The following ZNF780B variants were observed in gnomAD, a reference collection of about 807,000 sequenced individuals.
ZNF780B encodes the protein zinc finger protein 780B, also known as zinc finger protein 779.
A neutral mutation model predicts 74.1 loss-of-function variants in ZNF780B; 52 were observed. That is an observed-to-expected ratio of 0.70 (90% CI 0.56 to 0.88). ZNF780B has a LOEUF of 0.88. Among genes scored for constraint, ZNF780B ranks in the 40% least tolerant of loss-of-function variants. The pLI is 0.00. For missense variants in ZNF780B, 953 were observed against 1,007.6 expected, an observed-to-expected ratio of 0.95 and a Z score of 0.73; for synonymous variants, 315 against 324.3, an observed-to-expected ratio of 0.97 and a Z score of 0.31.
chr19:40,036,307 C>T lies in ZNF780B; in HGVS notation c.552G>A (p.Gln184=). ...AGGGTTTCTCTCCAGTATGAATACT[C>T]TGATGCTGAATAAGATTTGAACCAC... The part of the protein sequence containing the change: ...FSCGSNLIQH[Q]SIHTGEKPYK... Residue 184 remains glutamine, a synonymous_variant, in exon 5 of 5, where the codon CAG becomes CAA. Coordinates refer to ENST00000434248, the MANE Select transcript of ZNF780B (RefSeq NM_001005851.3). 2 of 1,613,784 alleles carry T rather than the reference C, an allele frequency of 1.2e-6. No individual in the cohort carries two copies.
chr19:40,048,610 A>G (rs1416631828), intron 3 of ZNF780B, 60 bp downstream of exon 3: 2 of 1,613,262 alleles, frequency 1.2e-6, no homozygotes, highest in African/African-American at 2.7e-5. Context: ...GAAACTCATG[A>G]TGAAGAAAGC....
chr19:40,048,788 C>T lies in ZNF780B; in HGVS notation c.18G>A (p.Val6=). 6.2e-7 allele frequency: 1 copy of T among 1,614,088 alleles called. No individual in the cohort carries two copies. Among genetic ancestry groups the T allele is most frequent in the Non-Finnish European group, 8.5e-7 (1 of 1,180,010 alleles). The change falls in exon 3 of 5, where the codon GTG becomes GTA. Residue 6 remains valine (V), a synonymous_variant. Coordinates refer to ENST00000434248, the MANE Select transcript of ZNF780B (RefSeq NM_001005851.3). ...AGTCAATGGCCACATCCCTGAATGTCACTGATCCCTGAAACCACAAACACA... is the reference window on the plus strand; with the variant it reads ...AGTCAATGGCCACATCCCTGAATGTTACTGATCCCTGAAACCACAAACACA... MVHGS[V]TFRDVAIDFS...
At chr19:40,053,138 G>C (rs1236832603) in intron 1 of ZNF780B, among the ~76,000 whole-genome samples, 1 of 152,118 alleles carries the variant, frequency 6.6e-6, no homozygotes, top group African/African-American at 2.4e-5. Flanking sequence ...AAAGTGAAGA[G>C]ACTACCTACA....
Position 40,048,530 on chromosome 19 carries a change from C to T in ZNF780B, c.136+140G>A, listed in dbSNP as rs1463730904. On this transcript the variant is annotated intron_variant, in intron 3 of 4. Coordinates refer to ENST00000434248, the MANE Select transcript of ZNF780B (RefSeq NM_001005851.3). ...CTCCAAGGAGGTGCCTGTTTTCAAC[C>T]CAACAAATCTCAATCCATTCCTTCG... The T allele has an allele frequency of 5.0e-6, 7 of 1,403,750 alleles. No homozygotes were observed. In the Admixed American group the frequency reaches 5.5e-5, roughly 11 times the overall value. 87.0% of individuals were successfully genotyped at this position (1,403,750 alleles called of 1,614,324 possible).
At chr19:40,038,286 T>C (rs1972452792) in intron 4 of ZNF780B, among the ~76,000 whole-genome samples, 1 of 152,002 alleles carries the variant, frequency 6.6e-6, no homozygotes, top group Non-Finnish European at 1.5e-5. Flanking sequence ...GGTGTATATG[T>C]GCCACATTTT....
chr19:40,052,178 A>G (rs1973261063), intron 1 of ZNF780B, among the ~76,000 whole-genome samples: 1 of 151,914 alleles, frequency 6.6e-6, no homozygotes, highest in African/African-American at 2.4e-5. Context: ...AAGGTTTTTC[A>G]CCCTAGGCAC....
intron 4 of ZNF780B, among the ~76,000 whole-genome samples, chr19:40,043,992 C>A (rs1253536482): frequency 6.6e-6 from 1 of 152,206 alleles, no homozygotes; most frequent in Non-Finnish European, 1.5e-5. Context: ...CCATCTTCTG[C>A]ATCGCTCATG....
chr19:40,034,129 T>A lies in ZNF780B; in HGVS notation c.*228A>T. The A allele has an allele frequency of 1.7e-6, 1 of 600,444 alleles. No homozygotes were observed. The highest frequency in any genetic ancestry group is 2.7e-5 in the Admixed American group (1 of 36,582). The allele number at this position is 600,444 out of a possible 1,614,324, so 37.2% of individuals were successfully genotyped here. A position where few individuals can be genotyped will look rare whatever the true frequency, so the allele number is the denominator to read the frequency against. ...TTTCTCATCAGTATGAATTTTAACATGTTTAACAGGTTTGAACTATGACTA... is the reference window on the plus strand; with the variant it reads ...TTTCTCATCAGTATGAATTTTAACAAGTTTAACAGGTTTGAACTATGACTA... On this transcript the variant is annotated 3_prime_UTR_variant, in exon 5 of 5. Transcript: ENST00000434248.
At chr19:40,047,352 C>T (rs1972978132) in intron 4 of ZNF780B, 23 bp downstream of exon 4, 5 of 1,587,646 alleles carry the variant, frequency 3.1e-6, no homozygotes, top group East Asian at 2.2e-5. Context: ...TGGCTTCCCC[C>T]TGCCTGCTTT....
intron 4 of ZNF780B, among the ~76,000 whole-genome samples, chr19:40,043,420 G>A (rs972161903): frequency 2.0e-5 from 3 of 152,216 alleles, no homozygotes; most frequent in African/African-American, 7.2e-5. Flanking sequence ...GCTGCGTGCT[G>A]GGAGAACCAC....
chr19:40,054,021 C>T (rs891467936), intron 1 of ZNF780B, among the ~76,000 whole-genome samples: 9 of 152,142 alleles, frequency 5.9e-5, no homozygotes, highest in African/African-American at 1.7e-4. Flanking sequence ...GGTGTGGTGG[C>T]ATGCACCTGT....
At chr19:40,036,736 G>T (rs143502022) in intron 4 of ZNF780B, 110 bp from the exon 5 acceptor site, 2 of 680,776 alleles carry the variant, frequency 2.9e-6, no homozygotes, top group African/African-American at 1.8e-5. Context: ...TCAGGGAAGG[G>T]ATCTGAAAAA....
At position 40,036,292 on chromosome 19, in the gene ZNF780B, T is replaced by G; in HGVS notation, c.567A>C (p.Gly189=). 6.2e-7 allele frequency: 1 copy of G among 1,613,456 alleles called. No homozygotes were observed. Among genetic ancestry groups the G allele is most frequent in the Non-Finnish European group, 8.5e-7 (1 of 1,179,852 alleles). The change falls in exon 5 of 5, where the codon GGA becomes GGC. Residue 189 remains glycine (G), a synonymous_variant. Coordinates refer to ENST00000434248, the MANE Select transcript of ZNF780B (RefSeq NM_001005851.3). ...ATTCTTTGCATTTATAGGGTTTCTCTCCAGTATGAATACTCTGATGCTGAA... is the reference window on the plus strand; with the variant it reads ...ATTCTTTGCATTTATAGGGTTTCTCGCCAGTATGAATACTCTGATGCTGAA... ...NLIQHQSIHT[G]EKPYKCKECG...
At chr19:40,039,213 G>C (rs575233616) in intron 4 of ZNF780B, among the ~76,000 whole-genome samples, 47 of 152,308 alleles carry the variant, frequency 3.1e-4, no homozygotes, top group African/African-American at 1.1e-3. Context: ...TCAAAGATCA[G>C]ATAGTTGTAG....
intron 4 of ZNF780B, among the ~76,000 whole-genome samples, chr19:40,044,062 C>A (rs571604895): frequency 1.3e-5 from 2 of 152,278 alleles, no homozygotes; most frequent in South Asian, 4.1e-4. Flanking sequence ...CCCTCTAACT[C>A]ATCTTTTAAG....
Position 40,034,444 on chromosome 19 carries a change from C to T in ZNF780B, c.2415G>A (p.Val805=). 2 of 1,614,018 alleles carry T rather than the reference C, an allele frequency of 1.2e-6. No homozygotes were observed. Among genetic ancestry groups the T allele is most frequent in the Non-Finnish European group, 1.7e-6 (2 of 1,179,978 alleles). ...CATTTCTTACATTCAAAGGGTTTCT[C>T]ACCTGTACAAGTTTTTGATGCAGAG... is the stretch of plus-strand genomic sequence containing the variant. ...QLSLHQKLVQ[V]RNPLNVRNVG... is the part of the protein sequence containing the mutation. Residue 805 remains valine, a synonymous_variant, in exon 5 of 5, where the codon GTG becomes GTA. Coordinates refer to ENST00000434248, the MANE Select transcript of ZNF780B (RefSeq NM_001005851.3).
chr19:40,028,481 C>T lies in ZNF780B; in HGVS notation c.*5876G>A, dbSNP rs1971937476. The T allele has an allele frequency of 6.6e-6, 1 of 152,130 alleles. No homozygotes were observed. The highest frequency in any genetic ancestry group is 6.5e-5 in the Admixed American group (1 of 15,272). 9.4% of individuals were successfully genotyped at this position (152,130 alleles called of 1,614,324 possible). On this transcript the variant is annotated 3_prime_UTR_variant, in exon 5 of 5. Transcript: ENST00000434248. ...AATAGGGTGTGGGATAAGTACATGA[C>T]AACATGCATGGGATAGACACTCTGT...
At chr19:40,050,278 A>G in intron 2 of ZNF780B, 46 bp downstream of exon 2, 5 of 1,589,794 alleles carry the variant, frequency 3.1e-6, no homozygotes, top group Non-Finnish European at 4.3e-6. Context: ...CACCTAACCT[A>G]ACCTGAAAGT....
rs546045660 is a variant in ZNF780B, at chr19:40,032,504, G to A, written c.*1853C>T. 3.2e-5 allele frequency: 8 copies of A among 247,628 alleles called. No individual in the cohort carries two copies. The South Asian group carries it at 3.6e-4, about 11-fold the overall frequency. 15.3% of individuals were successfully genotyped at this position (247,628 alleles called of 1,614,324 possible). The stretch of plus-strand genomic sequence containing the variant: ...GAGGCCAAGGCGGGTGGATCACGAG[G>A]TCAGGAGATCGAGACCATCCTGGCT... On this transcript the variant is annotated 3_prime_UTR_variant, in exon 5 of 5. Coordinates refer to ENST00000434248, the MANE Select transcript of ZNF780B (RefSeq NM_001005851.3).
Sources: allele counts gnomAD v4.1 joint callset (sites outside exome capture counted in the v4.1 genomes callset), GRCh38; gene constraint gnomAD v4.1.1; transcripts MANE v1.5; gene names NCBI Gene and HGNC (gene_info 2026-07-23, HGNC 2026-07-21).